Variants in SLC24A2 observed in about 807,000 individuals in gnomAD.
The protein encoded by SLC24A2 is sodium/potassium/calcium exchanger 2.
A neutral mutation model predicts 62.0 loss-of-function variants in SLC24A2; 36 were observed. That is an observed-to-expected ratio of 0.58 (90% CI 0.44 to 0.77). The LOEUF (loss-of-function observed/expected upper bound fraction) is 0.77, where lower values mean the gene tolerates loss of function less well. Among genes scored for constraint, SLC24A2 ranks in the 30% least tolerant of loss-of-function variants. The pLI is 0.00. For synonymous variants in SLC24A2, 358 were observed against 294.0 expected (o/e 1.22, Z -2.23); for missense variants, 846 against 817.9 (o/e 1.03, Z -0.42).
chr9:19,561,245 T>C (rs1371498223), intron 7 of SLC24A2, among the ~76,000 whole-genome samples: 1 of 151,336 alleles, frequency 6.6e-6, no homozygotes, highest in African/African-American at 2.4e-5. Flanking sequence ...TTGTATTTTT[T>C]AACCAACTAA....
chr9:19,699,822 T>A (rs1820303310), intron 2 of SLC24A2, among the ~76,000 whole-genome samples: 1 of 151,798 alleles, frequency 6.6e-6, no homozygotes, highest in Admixed American at 6.6e-5. Context: ...AAGTCTTAAA[T>A]TTTTTTTTCT....
At chr9:19,650,060 C>T (rs1818755259) in intron 2 of SLC24A2, among the ~76,000 whole-genome samples, 2 of 152,142 alleles carry the variant, frequency 1.3e-5, no homozygotes, top group African/African-American at 4.8e-5. Context: ...AACCTTGATC[C>T]TCATAGGGAA....
At chr9:19,800,720 A>C in the SLC24A2 span, among the ~76,000 whole-genome samples, 2 of 152,206 alleles carry the variant, frequency 1.3e-5, no homozygotes, top group Non-Finnish European at 2.9e-5. Context: ...TTTATTTAGC[A>C]ATTCCCCTAT....
chr9:19,698,780 G>A (rs1820270117), intron 2 of SLC24A2, among the ~76,000 whole-genome samples: 1 of 152,152 alleles, frequency 6.6e-6, no homozygotes, highest in East Asian at 1.9e-4. Context: ...AGAAGGAAAG[G>A]AATCCTGCCT....
chr9:20,234,194 A>G, the SLC24A2 span, among the ~76,000 whole-genome samples: 2 of 152,008 alleles, frequency 1.3e-5, no homozygotes, highest in African/African-American at 2.4e-5. Context: ...TGAATCTGAC[A>G]ATTATGTGTC....
At chr9:19,563,332 T>A (rs1835495912) in intron 7 of SLC24A2, among the ~76,000 whole-genome samples, 2 of 151,968 alleles carry the variant, frequency 1.3e-5, no homozygotes, top group South Asian at 4.2e-4. Flanking sequence ...GAAATGCAAT[T>A]CTTGCCTATT....
chr9:19,585,675 G>A (rs544144474), intron 5 of SLC24A2, among the ~76,000 whole-genome samples: 10 of 152,256 alleles, frequency 6.6e-5, no homozygotes, highest in Non-Finnish European at 1.3e-4. Context: ...ATCTGTTTAT[G>A]ACTTTTGGAC....
At chr9:20,032,729 T>C in the SLC24A2 span, among the ~76,000 whole-genome samples, 1 of 152,190 alleles carries the variant, frequency 6.6e-6, no homozygotes, top group South Asian at 2.1e-4. Flanking sequence ...CATTTTGCCC[T>C]TAGAGTTTCT....
chr9:19,840,784 C>G, the SLC24A2 span, among the ~76,000 whole-genome samples: 1 of 152,308 alleles, frequency 6.6e-6, no homozygotes, highest in East Asian at 1.9e-4. Context: ...CTTCCCCTCT[C>G]TCTGATTTTT....
At position 19,652,760 on chromosome 9, in the gene SLC24A2, G is replaced by A. The variant is rs538749860; in HGVS notation, c.931-30461C>T. On this transcript the variant is annotated intron_variant, in intron 2 of 10. Transcript: ENST00000341998. ...TACAATCACCCTTGTTCAGATCCTCGTGCCTATTCAAAATTAGCATCCATG... is the reference window on the plus strand; with the variant it reads ...TACAATCACCCTTGTTCAGATCCTCATGCCTATTCAAAATTAGCATCCATG... Among the ~76,000 whole-genome samples the A allele has an allele frequency of 1.4e-4, 21 of 152,190 alleles. No individual in the cohort carries two copies. In the East Asian group the frequency reaches 2.9e-3, roughly 21 times the overall value.
At chr9:19,898,741 C>CAAAAAA in the SLC24A2 span, among the ~76,000 whole-genome samples, 85 of 97,170 alleles carry the variant, frequency 8.7e-4, 1 homozygote, top group East Asian at 8.3e-3. Context: ...GACTCCATCT[C>CAAAAAA]AAAAAAAAAA....
intron 10 of SLC24A2, 24 bp downstream of exon 10, chr9:19,520,870 C>T: frequency 1.9e-6 from 3 of 1,611,996 alleles, no homozygotes; most frequent in Non-Finnish European, 2.5e-6. Flanking sequence ...TGGTGCACAC[C>T]TTTGTAGAAC....
the SLC24A2 span, among the ~76,000 whole-genome samples, chr9:20,076,523 T>C: frequency 2.6e-5 from 4 of 152,090 alleles, no homozygotes; most frequent in Non-Finnish European, 4.4e-5. Context: ...CACCAGAAGC[T>C]GGGAAGAGGC....
the SLC24A2 span, among the ~76,000 whole-genome samples, chr9:20,149,281 C>T: frequency 6.6e-6 from 1 of 152,184 alleles, no homozygotes; most frequent in East Asian, 1.9e-4. Context: ...ATCACTCTTC[C>T]ATCTATGGCT....
At chr9:19,747,639 C>A (rs542183366) in intron 2 of SLC24A2, among the ~76,000 whole-genome samples, 6 of 152,146 alleles carry the variant, frequency 3.9e-5, no homozygotes, top group Admixed American at 3.3e-4. Context: ...TCTTGTCTTA[C>A]CTGGAAATTA....
the SLC24A2 span, among the ~76,000 whole-genome samples, chr9:20,135,279 TAAATTTAATTTTTAATTACAATTTAA>T: frequency 3.4e-5 from 5 of 148,590 alleles, no homozygotes; most frequent in South Asian, 4.2e-4. Context: ...TTTTATTTTT[TAAATTTAATTTTTAATTACAATTTAA>T]AATTTTAATT....
At chr9:19,762,091 C>A (rs1389575507) in intron 2 of SLC24A2, among the ~76,000 whole-genome samples, 1 of 152,062 alleles carries the variant, frequency 6.6e-6, no homozygotes, top group Non-Finnish European at 1.5e-5. Flanking sequence ...AGTTTACAGT[C>A]CCACCAAGAG....
chr9:19,882,664 TAAAA>T, the SLC24A2 span, among the ~76,000 whole-genome samples: 3 of 140,932 alleles, frequency 2.1e-5, no homozygotes, highest in Admixed American at 1.4e-4. Flanking sequence ...ATCTACAGGT[TAAAA>T]AAAAAAAAAA....
At chr9:20,097,201 G>A in the SLC24A2 span, among the ~76,000 whole-genome samples, 1 of 152,118 alleles carries the variant, frequency 6.6e-6, no homozygotes, top group African/African-American at 2.4e-5. Context: ...AGTTCATTTT[G>A]TTGGCCTCTA....
Sources: allele counts gnomAD v4.1 joint callset (sites outside exome capture counted in the v4.1 genomes callset), GRCh38; gene constraint gnomAD v4.1.1; transcripts MANE v1.5; gene names NCBI Gene and HGNC (gene_info 2026-07-23, HGNC 2026-07-21).